The following SHISA6 variants were observed in gnomAD, a reference collection of about 807,000 sequenced individuals.
The protein encoded by SHISA6 is shisa family member 6, also known as protein shisa-6.
Under a neutral mutation model 47.9 loss-of-function variants are expected in SHISA6, and 22 were observed. The observed-to-expected ratio is 0.46, with a 90% CI of 0.33 to 0.66. SHISA6 has a LOEUF of 0.66. SHISA6 is among the 30% of genes least tolerant of loss of function. The pLI, the probability that SHISA6 is intolerant of heterozygous loss-of-function variation, is 0.02. For missense variants in SHISA6, 680 were observed against 764.6 expected (o/e 0.89, Z 1.30); for synonymous variants, 388 against 337.8 (o/e 1.15, Z -1.63).
chr17:11,325,960 C>A, intron 2 of SHISA6, among the ~76,000 whole-genome samples: 1 of 152,276 alleles, frequency 6.6e-6, no homozygotes, highest in South Asian at 2.1e-4. Context: ...GACTGGGTGA[C>A]TCTGCAATGC....
intron 2 of SHISA6, among the ~76,000 whole-genome samples, chr17:11,352,714 G>A (rs1218013996): frequency 6.6e-6 from 1 of 152,168 alleles, no homozygotes; most frequent in African/African-American, 2.4e-5. Context: ...GAGGGTTGGT[G>A]CGCCTTGTGC....
chr17:11,423,087 A>G (rs1000781850), intron 3 of SHISA6, among the ~76,000 whole-genome samples: 1 of 151,888 alleles, frequency 6.6e-6, no homozygotes, highest in African/African-American at 2.4e-5. Flanking sequence ...TTTGATGCCA[A>G]TAACCTACAG....
chr17:11,435,887 T>C (rs1437749117), intron 3 of SHISA6, among the ~76,000 whole-genome samples: 1 of 152,256 alleles, frequency 6.6e-6, no homozygotes, highest in Non-Finnish European at 1.5e-5. Flanking sequence ...CTTTACCTGA[T>C]GGATGGCTTT....
intron 2 of SHISA6, among the ~76,000 whole-genome samples, chr17:11,377,419 G>C (rs1912841472): frequency 6.6e-6 from 1 of 152,180 alleles, no homozygotes; most frequent in African/African-American, 2.4e-5. Context: ...TCCTGTTCCT[G>C]ATGCACGAAG....
At chr17:11,482,726 A>G (rs1370917042) in intron 3 of SHISA6, among the ~76,000 whole-genome samples, 3 of 152,192 alleles carry the variant, frequency 2.0e-5, no homozygotes, top group Non-Finnish European at 4.4e-5. Context: ...AGAATTGATC[A>G]ATATTGGGGC....
intron 3 of SHISA6, among the ~76,000 whole-genome samples, chr17:11,522,492 A>T (rs1007844235): frequency 6.6e-6 from 1 of 152,150 alleles, no homozygotes; most frequent in Admixed American, 6.5e-5. Flanking sequence ...TTTGGACACC[A>T]AAGAGTCAGG....
chr17:11,529,922 A>G (rs1156362244), intron 3 of SHISA6, among the ~76,000 whole-genome samples: 2 of 152,174 alleles, frequency 1.3e-5, no homozygotes, highest in Non-Finnish European at 2.9e-5. Flanking sequence ...ACATAGAGGA[A>G]ATGAAAAAAT....
At chr17:11,491,777 T>TGTTTG (rs1916491081) in intron 3 of SHISA6, among the ~76,000 whole-genome samples, 2 of 91,564 alleles carry the variant, frequency 2.2e-5, no homozygotes, top group African/African-American at 3.3e-5. Flanking sequence ...AGTGTTTTTT[T>TGTTTG]TTTTTTTTTT....
intron 2 of SHISA6, among the ~76,000 whole-genome samples, chr17:11,353,897 T>G (rs1488643785): frequency 6.6e-6 from 1 of 152,080 alleles, no homozygotes; most frequent in Non-Finnish European, 1.5e-5. Flanking sequence ...AGGCGAACTG[T>G]GAGGAAGACA....
intron 3 of SHISA6, among the ~76,000 whole-genome samples, chr17:11,517,149 G>T (rs373156307): frequency 2.0e-5 from 3 of 152,268 alleles, no homozygotes; most frequent in South Asian, 2.1e-4. Context: ...CGTTTTCCAA[G>T]GTTAAGGATG....
intron 2 of SHISA6, among the ~76,000 whole-genome samples, chr17:11,272,097 C>T (rs1908694323): frequency 6.6e-6 from 1 of 152,156 alleles, no homozygotes; most frequent in African/African-American, 2.4e-5. Context: ...TACCAGGCAC[C>T]CTCCTTCCCA....
At chr17:11,548,441 A>ATG (rs2071901312) in intron 3 of SHISA6, among the ~76,000 whole-genome samples, 1 of 9,654 alleles carries the variant, frequency 1.0e-4, no homozygotes, top group Admixed American at 1.3e-3. Context: ...TGCATATTTC[A>ATG]TATATATATA....
chr17:11,471,507 T>C (rs1915935001), intron 3 of SHISA6, among the ~76,000 whole-genome samples: 1 of 152,190 alleles, frequency 6.6e-6, no homozygotes. Flanking sequence ...CTCCTTTCTG[T>C]TCTCTGATAT....
intron 3 of SHISA6, among the ~76,000 whole-genome samples, chr17:11,538,359 C>G (rs528393856): frequency 1.2e-4 from 18 of 152,108 alleles, no homozygotes; most frequent in Non-Finnish European, 2.4e-4. Flanking sequence ...CCACATCCGA[C>G]CTACCTGAGT....
At chr17:11,400,786 C>T (rs569015523) in intron 3 of SHISA6, among the ~76,000 whole-genome samples, 12 of 152,308 alleles carry the variant, frequency 7.9e-5, no homozygotes, top group African/African-American at 2.9e-4. Flanking sequence ...TAATCTTTCA[C>T]AGAATGCACA....
intron 3 of SHISA6, among the ~76,000 whole-genome samples, chr17:11,515,831 T>G (rs2071581249): frequency 6.6e-6 from 1 of 152,128 alleles, no homozygotes; most frequent in East Asian, 1.9e-4. Flanking sequence ...CACCTATGTT[T>G]CCCTGTGTGA....
intron 2 of SHISA6, among the ~76,000 whole-genome samples, chr17:11,370,696 T>C (rs1349853778): frequency 1.3e-5 from 2 of 152,196 alleles, no homozygotes; most frequent in South Asian, 2.1e-4. Context: ...GAAAGCACCA[T>C]CTTGGAAGTC....
chr17:11,299,115 C>G (rs1019921057), intron 2 of SHISA6, among the ~76,000 whole-genome samples: 2 of 152,192 alleles, frequency 1.3e-5, no homozygotes, highest in Non-Finnish European at 1.5e-5. Context: ...AAGAGCTACT[C>G]TTCAGTAATA....
At chr17:11,439,335 G>C (rs1037913529) in intron 3 of SHISA6, among the ~76,000 whole-genome samples, 5 of 152,130 alleles carry the variant, frequency 3.3e-5, no homozygotes, top group East Asian at 1.9e-4. Flanking sequence ...ATCTACGGGT[G>C]GGGGGCAGTT....
Sources: gnomAD v4.1 joint callset for allele counts (sites outside exome capture counted in the v4.1 genomes callset) on GRCh38, gnomAD v4.1.1 for gene constraint, MANE v1.5 for transcripts, NCBI Gene and HGNC (gene_info 2026-07-23, HGNC 2026-07-21) for gene names.